POLN: variants seen among roughly 807,000 people sequenced by gnomAD.
POLN encodes the protein DNA polymerase nu.
POLN carries 108 observed loss-of-function variants against 113.5 expected under a neutral mutation model. That is an observed-to-expected ratio of 0.95 (90% confidence interval 0.81 to 1.12). The LOEUF is 1.12. Ranked by LOEUF, POLN falls within the 50% of genes most tolerant of loss-of-function variation. The probability of loss-of-function intolerance (pLI) is 0.00; values close to 1 mark genes in which losing one functional copy is unlikely to be tolerated. For missense variants in POLN, 1,097 were observed against 1,077.1 expected (o/e 1.02, Z -0.26); for synonymous variants, 386 against 391.5 (o/e 0.99, Z 0.17).
intron 22 of POLN, 110 bp from the exon 23 acceptor site, chr4:2,081,146 G>A (rs1329728905): frequency 9.4e-6 from 15 of 1,600,964 alleles, no homozygotes; most frequent in Non-Finnish European, 1.2e-5. Context: ...CAGAGGTGCT[G>A]GCTCTGAGCT....
At chr4:2,148,393 C>G (rs62288013) in intron 16 of POLN, among the ~76,000 whole-genome samples, 12,272 of 152,058 alleles carry the variant, frequency 0.081, 750 homozygotes, top group African/African-American at 0.16. Flanking sequence ...AATAGGCCGG[C>G]TACGGTGGCT....
chr4:2,119,135 G>A (rs1731383201), intron 19 of POLN, among the ~76,000 whole-genome samples: 1 of 152,168 alleles, frequency 6.6e-6, no homozygotes. Flanking sequence ...CATGTCATTG[G>A]CAAGTAGAGA....
At chr4:2,148,391 G>A (rs372063556) in intron 16 of POLN, among the ~76,000 whole-genome samples, 2 of 152,100 alleles carry the variant, frequency 1.3e-5, no homozygotes, top group East Asian at 1.9e-4. Context: ...TGAATAGGCC[G>A]GCTACGGTGG....
chr4:2,179,966 A>T (rs1192860826), intron 7 of POLN, among the ~76,000 whole-genome samples: 3 of 152,176 alleles, frequency 2.0e-5, no homozygotes, highest in Non-Finnish European at 2.9e-5. Flanking sequence ...CACACACGAC[A>T]CCCTCGTCAC....
intron 20 of POLN, among the ~76,000 whole-genome samples, chr4:2,092,581 T>C (rs577266536): frequency 1.1e-4 from 16 of 152,326 alleles, no homozygotes; most frequent in Non-Finnish European, 2.1e-4. Flanking sequence ...ACCCTGCACC[T>C]TCTGGGGCAT....
intron 7 of POLN, among the ~76,000 whole-genome samples, chr4:2,182,464 C>A (rs1733167244): frequency 6.6e-6 from 1 of 152,146 alleles, no homozygotes; most frequent in Non-Finnish European, 1.5e-5. Flanking sequence ...CTTCCAGCCA[C>A]CACCAGAAGC....
intron 16 of POLN, among the ~76,000 whole-genome samples, chr4:2,135,658 A>G (rs918327783): frequency 1.3e-5 from 2 of 152,204 alleles, no homozygotes; most frequent in African/African-American, 4.8e-5. Flanking sequence ...AACTAACAAG[A>G]GTCCGAACAT....
intron 2 of POLN, among the ~76,000 whole-genome samples, chr4:2,236,719 C>T (rs762011302): frequency 2.0e-5 from 3 of 151,802 alleles, no homozygotes; most frequent in Non-Finnish European, 2.9e-5. Context: ...AAAAGTTAGC[C>T]GGGCATGGCG....
intron 13 of POLN, among the ~76,000 whole-genome samples, chr4:2,167,340 GA>G (rs1260783564): frequency 6.6e-6 from 1 of 151,840 alleles, no homozygotes; most frequent in Non-Finnish European, 1.5e-5. Flanking sequence ...CTTCACTGCA[GA>G]AAAAAAACAC....
chr4:2,147,091 C>T (rs567713541), intron 16 of POLN, among the ~76,000 whole-genome samples: 206 of 152,124 alleles, frequency 1.4e-3, no homozygotes, highest in South Asian at 4.8e-3. Context: ...TTAAATACTA[C>T]GCTGCAAGAA....
At chr4:2,200,485 A>C (rs958757211) in intron 5 of POLN, among the ~76,000 whole-genome samples, 1 of 152,196 alleles carries the variant, frequency 6.6e-6, no homozygotes, top group African/African-American at 2.4e-5. Flanking sequence ...GAGACACCCC[A>C]AATACTGTGT....
chr4:2,100,073 A>G (rs1217282627), intron 19 of POLN, among the ~76,000 whole-genome samples: 1 of 80,534 alleles, frequency 1.2e-5, no homozygotes, highest in Non-Finnish European at 2.9e-5. Flanking sequence ...CTGTCTCAAA[A>G]AAGAAAAAAA....
intron 7 of POLN, among the ~76,000 whole-genome samples, chr4:2,187,596 C>G (rs2108754351): frequency 6.6e-6 from 1 of 152,246 alleles, no homozygotes; most frequent in South Asian, 2.1e-4. Context: ...AGAGATCAAA[C>G]AGATTAAACC....
At chr4:2,147,228 T>C (rs1732165786) in intron 16 of POLN, among the ~76,000 whole-genome samples, 1 of 152,154 alleles carries the variant, frequency 6.6e-6, no homozygotes, top group Admixed American at 6.5e-5. Context: ...AATGAGGACA[T>C]TGACAAAAAC....
chr4:2,075,540 C>T (rs1730254878), intron 23 of POLN, 21 bp from the exon 24 acceptor site: 1 of 1,612,566 alleles, frequency 6.2e-7, no homozygotes, highest in South Asian at 1.1e-5. Flanking sequence ...GGGAAGGAGT[C>T]ACCCTGGGAG....
intron 20 of POLN, among the ~76,000 whole-genome samples, chr4:2,091,113 T>C (rs765683903): frequency 5.3e-5 from 8 of 152,230 alleles, no homozygotes; most frequent in African/African-American, 1.2e-4. Context: ...CTCCAATTTC[T>C]GTTGCTCTGG....
chr4:2,213,935 G>C (rs898686932), intron 3 of POLN, among the ~76,000 whole-genome samples: 1 of 152,094 alleles, frequency 6.6e-6, no homozygotes, highest in Non-Finnish European at 1.5e-5. Context: ...AGTACGAAAA[G>C]ACAAGAAATG....
chr4:2,118,271 T>C (rs1731363375), intron 19 of POLN, among the ~76,000 whole-genome samples: 1 of 152,336 alleles, frequency 6.6e-6, no homozygotes, highest in East Asian at 1.9e-4. Context: ...TGAGGCCACA[T>C]CTTTGATTTC....
At chr4:2,117,438 TC>T (rs1347010657) in intron 19 of POLN, among the ~76,000 whole-genome samples, 3 of 152,226 alleles carry the variant, frequency 2.0e-5, no homozygotes, top group African/African-American at 7.2e-5. Context: ...TGGGTGACAA[TC>T]CAAAATTTCA....
Sources: gnomAD v4.1 joint callset for allele counts (sites outside exome capture counted in the v4.1 genomes callset) on GRCh38, gnomAD v4.1.1 for gene constraint, MANE v1.5 for transcripts, NCBI Gene and HGNC (gene_info 2026-07-23, HGNC 2026-07-21) for gene names.